HS6ST2: variants seen among roughly 807,000 people sequenced by gnomAD.
HS6ST2 encodes heparan sulfate 6-O-sulfotransferase 2, also known as heparan-sulfate 6-O-sulfotransferase 2.
A neutral mutation model predicts 33.0 loss-of-function variants in HS6ST2; 17 were observed. The ratio of observed to expected loss-of-function variants is 0.52; its 90% CI spans 0.35 to 0.77. HS6ST2 has a LOEUF of 0.77. Among genes scored for constraint, HS6ST2 ranks in the 30% least tolerant of loss-of-function variants. HS6ST2 has a pLI of 0.01. For missense variants in HS6ST2, 519 were observed against 551.7 expected (o/e 0.94, Z 0.59); for synonymous variants, 248 against 237.1 (o/e 1.05, Z -0.42).
intron 3 of HS6ST2, among the ~76,000 whole-genome samples, chrX:132,702,087 A>G (rs2064148559): frequency 8.9e-6 from 1 of 112,401 alleles, no homozygotes; most frequent in Non-Finnish European, 1.9e-5. Context: ...CACTTCTGAT[A>G]CACTGGAAAA....
chrX:132,755,910 C>T (rs1220906363), intron 2 of HS6ST2, among the ~76,000 whole-genome samples: 1 of 111,845 alleles, frequency 8.9e-6, no homozygotes, highest in Non-Finnish European at 1.9e-5. Context: ...TGTTGGAAAG[C>T]AATCTGGCTT....
chrX:132,649,995 A>G (rs1032661959), intron 4 of HS6ST2, among the ~76,000 whole-genome samples: 2 of 111,909 alleles, frequency 1.8e-5, no homozygotes, highest in African/African-American at 3.2e-5. Context: ...CTTAACTAGA[A>G]AGCATTTATC....
chrX:132,748,759 C>T (rs1409548153), intron 2 of HS6ST2, among the ~76,000 whole-genome samples: 1 of 111,144 alleles, frequency 9.0e-6, no homozygotes, highest in Non-Finnish European at 1.9e-5. Flanking sequence ...TGTGCCACCA[C>T]ATGCAGATGA....
chrX:132,909,892 GT>G (rs1352035031), intron 2 of HS6ST2, among the ~76,000 whole-genome samples: 1 of 110,856 alleles, frequency 9.0e-6, no homozygotes, highest in Non-Finnish European at 1.9e-5. Context: ...CTGTAGCAAG[GT>G]CCTTAGGGAG....
At chrX:132,725,150 G>A (rs1310976768) in intron 2 of HS6ST2, among the ~76,000 whole-genome samples, 1 of 110,131 alleles carries the variant, frequency 9.1e-6, no homozygotes, top group African/African-American at 3.3e-5. Flanking sequence ...TGGACAAATG[G>A]GCTCACATCA....
At chrX:132,943,501 T>G (rs771579157) in intron 2 of HS6ST2, among the ~76,000 whole-genome samples, 1 of 111,313 alleles carries the variant, frequency 9.0e-6, no homozygotes, top group African/African-American at 3.3e-5. Flanking sequence ...CCTCCCTAAC[T>G]CATTTTATGA....
At chrX:132,636,540 G>A (rs778788486) in intron 4 of HS6ST2, among the ~76,000 whole-genome samples, 1 of 111,984 alleles carries the variant, frequency 8.9e-6, no homozygotes, top group South Asian at 3.7e-4. Flanking sequence ...TCCTACACTC[G>A]TCAGAACAGG....
At chrX:132,907,438 G>C (rs1396853200) in intron 2 of HS6ST2, 2 of 128,322 alleles carry the variant, frequency 1.6e-5, no homozygotes. Flanking sequence ...CTTTCCACTA[G>C]ATGCCTCTGC....
intron 2 of HS6ST2, among the ~76,000 whole-genome samples, chrX:132,939,587 C>T (rs888278015): frequency 8.1e-5 from 9 of 110,920 alleles, no homozygotes; most frequent in Non-Finnish European, 1.5e-4. Context: ...ATTGCACCAC[C>T]GCACTCCAGC....
intron 2 of HS6ST2, among the ~76,000 whole-genome samples, chrX:132,785,063 A>C (rs2065049538): frequency 8.9e-6 from 1 of 112,228 alleles, no homozygotes; most frequent in Non-Finnish European, 1.9e-5. Flanking sequence ...ACAGTGACTG[A>C]AACAATTTGT....
chrX:132,794,800 T>C (rs1385351228), intron 2 of HS6ST2, among the ~76,000 whole-genome samples: 2 of 110,551 alleles, frequency 1.8e-5, no homozygotes, highest in Admixed American at 9.7e-5. Flanking sequence ...GTTGCAGAAG[T>C]TGTAATGAAG....
At chrX:132,924,742 C>T (rs2066693565) in intron 2 of HS6ST2, among the ~76,000 whole-genome samples, 1 of 111,886 alleles carries the variant, frequency 8.9e-6, no homozygotes, top group African/African-American at 3.2e-5. Context: ...AATCCCAGGA[C>T]TTTGTGGGAG....
At chrX:132,804,724 G>A (rs747462980) in intron 2 of HS6ST2, among the ~76,000 whole-genome samples, 20 of 111,302 alleles carry the variant, frequency 1.8e-4, no homozygotes, top group Admixed American at 1.3e-3. Flanking sequence ...GCTTGAGCCC[G>A]GGAGGTTGAG....
chrX:132,748,869 A>G (rs1471183594), intron 2 of HS6ST2, among the ~76,000 whole-genome samples: 2 of 111,891 alleles, frequency 1.8e-5, no homozygotes, highest in African/African-American at 6.5e-5. Context: ...CCAAAGGCAT[A>G]TAACACAGGC....
At chrX:132,842,600 C>T (rs1329441702) in intron 2 of HS6ST2, among the ~76,000 whole-genome samples, 2 of 111,802 alleles carry the variant, frequency 1.8e-5, no homozygotes, top group Non-Finnish European at 3.8e-5. Context: ...TTCCTCCCCT[C>T]CCCCTGCCCT....
At chrX:132,693,722 A>G (rs2064083584) in intron 3 of HS6ST2, among the ~76,000 whole-genome samples, 1 of 111,679 alleles carries the variant, frequency 9.0e-6, no homozygotes, top group Non-Finnish European at 1.9e-5. Flanking sequence ...CTTGAACCCA[A>G]GGATAGCTTT....
rs994238611 is a variant in HS6ST2 at position 132,718,606 on chromosome X, G to A, written c.948-10112C>T. On this transcript the variant is annotated intron_variant, in intron 2 of 4. Transcript: ENST00000370833. ...ATCCTACTTACTGTACAAGGCTGCAGCACACTCTGAAGTGCTTCCTGTTTG... is the reference window on the plus strand; with the variant it reads ...ATCCTACTTACTGTACAAGGCTGCAACACACTCTGAAGTGCTTCCTGTTTG... Among the ~76,000 whole-genome samples, 6 of 111,052 alleles carry A rather than the reference G, an allele frequency of 5.4e-5. No individual in the cohort carries two copies. The Admixed American group carries it at 5.7e-4, about 11-fold the overall frequency.
intron 2 of HS6ST2, among the ~76,000 whole-genome samples, chrX:132,724,082 C>T (rs1483886864): frequency 1.8e-5 from 2 of 111,395 alleles, no homozygotes; most frequent in Non-Finnish European, 3.8e-5. Context: ...CGCGTGGCTG[C>T]GGCTGAGATC....
At chrX:132,933,750 A>C (rs1051701879) in intron 2 of HS6ST2, among the ~76,000 whole-genome samples, 2 of 112,031 alleles carry the variant, frequency 1.8e-5, no homozygotes, top group East Asian at 5.6e-4. Flanking sequence ...GAGGAACCTC[A>C]ATAACACTGA....
Sources: allele counts gnomAD v4.1 joint callset (sites outside exome capture counted in the v4.1 genomes callset), GRCh38; gene constraint gnomAD v4.1.1; transcripts MANE v1.5; gene names NCBI Gene and HGNC (gene_info 2026-07-23, HGNC 2026-07-21).